The following NDRG3 variants were observed in gnomAD, a reference collection of about 807,000 sequenced individuals.
NDRG3 encodes the protein protein NDRG3.
NDRG3 carries 23 observed loss-of-function variants against 57.2 expected under a neutral mutation model. The ratio of observed to expected loss-of-function variants is 0.40; its 90% CI spans 0.29 to 0.57. The LOEUF (loss-of-function observed/expected upper bound fraction) is 0.57. Ranked by LOEUF, NDRG3 falls within the 20% of genes least tolerant of loss-of-function variation. The pLI, the probability that NDRG3 is intolerant of heterozygous loss-of-function variation, is 0.42. For synonymous variants in NDRG3, 132 were observed against 162.6 expected (o/e 0.81, Z 1.43); for missense variants, 384 against 457.3 (o/e 0.84, Z 1.46).
intron 8 of NDRG3, among the ~76,000 whole-genome samples, chr20:36,676,567 A>T (rs1980733817): frequency 1.3e-5 from 2 of 152,082 alleles, no homozygotes; most frequent in African/African-American, 4.8e-5. Flanking sequence ...GGTTCAAGCA[A>T]TTCTCCTGCC....
chr20:36,743,902 CTTTTTTTTTT>C (rs1188148076), intron 1 of NDRG3, among the ~76,000 whole-genome samples: 1 of 119,024 alleles, frequency 8.4e-6, no homozygotes. Flanking sequence ...CATAAACAAG[CTTTTTTTTTT>C]TTTTTTTTTT....
intron 12 of NDRG3, among the ~76,000 whole-genome samples, chr20:36,662,737 G>A (rs1362463411): frequency 1.3e-5 from 2 of 152,192 alleles, no homozygotes; most frequent in African/African-American, 2.4e-5. Flanking sequence ...AAAATGCTCT[G>A]GCAGGGGAAC....
chr20:36,692,259 G>A (rs1982324537), intron 3 of NDRG3, among the ~76,000 whole-genome samples: 3 of 151,782 alleles, frequency 2.0e-5, no homozygotes, highest in African/African-American at 2.4e-5. Flanking sequence ...TTACTCTATC[G>A]CCCGCCCAGG....
chr20:36,735,243 G>A (rs941128703), intron 1 of NDRG3, among the ~76,000 whole-genome samples: 3 of 152,070 alleles, frequency 2.0e-5, no homozygotes, highest in Non-Finnish European at 4.4e-5. Context: ...TCCAAAATCC[G>A]AAGTGCTTCA....
chr20:36,665,847 C>T (rs1600861363), intron 10 of NDRG3, among the ~76,000 whole-genome samples: 1 of 152,134 alleles, frequency 6.6e-6, no homozygotes, highest in South Asian at 2.1e-4. Flanking sequence ...CCGCCCACCT[C>T]GGCCTCCCAA....
At chr20:36,745,103 G>T (rs1026425981) in intron 1 of NDRG3, among the ~76,000 whole-genome samples, 4 of 152,010 alleles carry the variant, frequency 2.6e-5, no homozygotes, top group Non-Finnish European at 5.9e-5. Context: ...TGATAGGGAG[G>T]CCAGCTCTGC....
chr20:36,681,685 T>TATTTA (rs368610528), intron 7 of NDRG3, among the ~76,000 whole-genome samples: 103 of 151,724 alleles, frequency 6.8e-4, no homozygotes, highest in Non-Finnish European at 1.2e-3. Context: ...CTCTCTAGCT[T>TATTTA]ATTTAATTTA....
intron 9 of NDRG3, among the ~76,000 whole-genome samples, chr20:36,667,933 TAAGAA>T (rs1979775313): frequency 6.6e-6 from 1 of 152,084 alleles, no homozygotes; most frequent in African/African-American, 2.4e-5. Context: ...GGTATTATAA[TAAGAA>T]AAGTGAATAC....
Position 36,652,199 on chromosome 20 carries a change from G to C in NDRG3, c.*1321C>G. On this transcript the variant is annotated 3_prime_UTR_variant, in exon 16 of 16. Coordinates refer to ENST00000349004, the MANE Select transcript of NDRG3 (RefSeq NM_032013.4). ...AGGCTGAGGCAGGTGGATCACCTGA[G>C]GTCAGGAGTTTGAGACCAGCCTGGC... 6.6e-6 allele frequency: 1 copy of C among 152,206 alleles called. No homozygotes were observed. Among genetic ancestry groups the C allele is most frequent in the East Asian group, 1.9e-4 (1 of 5,202 alleles). 9.4% of individuals were successfully genotyped at this position (152,206 alleles called of 1,614,324 possible). A position where few individuals can be genotyped will look rare whatever the true frequency, so the allele number is the denominator to read the frequency against.
chr20:36,677,104 C>T (rs1420071103), intron 8 of NDRG3, among the ~76,000 whole-genome samples: 1 of 152,178 alleles, frequency 6.6e-6, no homozygotes, highest in Non-Finnish European at 1.5e-5. Context: ...GGGAAGCGAG[C>T]AGGAGCTGGG....
chr20:36,738,477 C>T (rs186003666), intron 1 of NDRG3, among the ~76,000 whole-genome samples: 2 of 150,096 alleles, frequency 1.3e-5, no homozygotes, highest in Admixed American at 1.3e-4. Context: ...CACTCTAGAC[C>T]GGGCAAAAGA....
At chr20:36,708,620 C>A (rs1983684705) in intron 2 of NDRG3, among the ~76,000 whole-genome samples, 1 of 147,506 alleles carries the variant, frequency 6.8e-6, no homozygotes, top group South Asian at 2.1e-4. Flanking sequence ...TGCGTGTCAG[C>A]CTGGGTGTCA....
At chr20:36,698,764 GACAT>G (rs1983011388) in intron 3 of NDRG3, among the ~76,000 whole-genome samples, 2 of 151,836 alleles carry the variant, frequency 1.3e-5, no homozygotes, top group Non-Finnish European at 2.9e-5. Context: ...TTCATATAAT[GACAT>G]ACAGATAAAA....
rs2072955 is a variant in NDRG3 at position 36,671,492 on chromosome 20, A to T, written c.532-95T>A. 5.4e-4 allele frequency: 490 copies of T among 912,962 alleles called. 4 individuals are homozygous for T. The East Asian group carries it at 8.4e-3, about 16-fold the overall frequency. 56.6% of individuals were successfully genotyped at this position (912,962 alleles called of 1,614,324 possible). ...ATGAGTGCACTTTATTATATATGTT[A>T]TCTCTTTAAAAACAAATGAAAAACC... On this transcript the variant is annotated intron_variant, in intron 8 of 15. Transcript: ENST00000349004.
chr20:36,721,175 G>C (rs1984569148), intron 2 of NDRG3, among the ~76,000 whole-genome samples: 1 of 151,880 alleles, frequency 6.6e-6, no homozygotes, highest in Non-Finnish European at 1.5e-5. Context: ...GATTGAACGT[G>C]GCTCATGGAA....
chr20:36,719,835 A>C (rs979750838), intron 2 of NDRG3, among the ~76,000 whole-genome samples: 8 of 151,960 alleles, frequency 5.3e-5, no homozygotes, highest in African/African-American at 1.9e-4. Flanking sequence ...AATTTCAAGC[A>C]GCTGGGCATG....
chr20:36,722,971 C>T (rs1466784961), intron 1 of NDRG3, among the ~76,000 whole-genome samples: 6 of 152,220 alleles, frequency 3.9e-5, no homozygotes, highest in African/African-American at 1.2e-4. Flanking sequence ...AGCCCTCTGG[C>T]GAGGCCCATG....
intron 9 of NDRG3, among the ~76,000 whole-genome samples, chr20:36,667,510 A>C (rs1274240333): frequency 6.6e-6 from 1 of 152,184 alleles, no homozygotes; most frequent in Admixed American, 6.5e-5. Context: ...TGGTCTATGC[A>C]GTGAAAAGTC....
chr20:36,739,166 A>AAT (rs1157120131), intron 1 of NDRG3, among the ~76,000 whole-genome samples: 1,268 of 116,446 alleles, frequency 0.011, 56 homozygotes, highest in African/African-American at 0.046. Context: ...AAAAAAAAAA[A>AAT]GGCCAGGCAC....
Sources: allele counts gnomAD v4.1 joint callset (sites outside exome capture counted in the v4.1 genomes callset), GRCh38; gene constraint gnomAD v4.1.1; transcripts MANE v1.5; gene names NCBI Gene and HGNC (gene_info 2026-07-23, HGNC 2026-07-21).